DNTT: variants seen among roughly 807,000 people sequenced by gnomAD.
DNTT encodes DNA nucleotidylexotransferase, also known as nucleosidetriphosphate:DNA deoxynucleotidylexotransferase.
DNTT carries 47 observed loss-of-function variants against 60.9 expected under a neutral mutation model. That is an observed-to-expected ratio of 0.77 (90% confidence interval 0.61 to 0.98). The LOEUF (loss-of-function observed/expected upper bound fraction) is 0.98. Ranked by LOEUF, DNTT falls within the 50% of genes least tolerant of loss-of-function variation. The probability of loss-of-function intolerance (pLI) is 0.00; values close to 1 mark genes in which losing one functional copy is unlikely to be tolerated. For missense variants in DNTT, 665 were observed against 627.5 expected (o/e 1.06, Z -0.64); for synonymous variants, 224 against 221.2 (o/e 1.01, Z -0.11).
intron 4 of DNTT, 141 bp from the exon 5 acceptor site, chr10:96,322,516 C>T: frequency 2.0e-6 from 1 of 506,012 alleles, no homozygotes; most frequent in Middle Eastern, 3.8e-4. Context: ...TTGTTTTCTC[C>T]AGATCAATTA....
At position 96,318,443 on chromosome 10, in the gene DNTT, C is replaced by G. The variant is rs1420455956; in HGVS notation, c.295C>G (p.Pro99Ala). The G allele has an allele frequency of 1.2e-6, 2 of 1,613,800 alleles. No homozygotes were observed. Among genetic ancestry groups the G allele is most frequent in the Non-Finnish European group, 1.7e-6 (2 of 1,179,860 alleles). The stretch of plus-strand genomic sequence containing the variant: ...ACAGAAAGTACAAGTCAGCTCACAA[C>G]CAGAGCTCCTCGATGTCTCCTGGCT... ...QAQKVQVSSQPELLDVSWLIE... is the reference protein window; with the variant it reads ...QAQKVQVSSQAELLDVSWLIE... The change falls in exon 2 of 11, where the codon CCA becomes GCA. Residue 99 changes from proline (P) to alanine (A), a missense_variant. Pro to Ala is a conservative substitution (Grantham distance 27, BLOSUM62 -1). Coordinates refer to ENST00000371174, the MANE Select transcript of DNTT (RefSeq NM_004088.4).
chr10:96,307,705 G>GTGTATATATATATATATA (rs1354977619), intron 1 of DNTT, among the ~76,000 whole-genome samples: 17 of 52,882 alleles, frequency 3.2e-4, no homozygotes, highest in Non-Finnish European at 5.6e-4. Context: ...GTGTGTGTGT[G>GTGTATATATATATATATA]TATATATATA....
rs549171215 is a variant in DNTT, at chr10:96,318,668, C to T, written c.378+142C>T. The T allele has an allele frequency of 5.4e-6, 5 of 918,430 alleles. No homozygotes were observed. The African/African-American group carries it at 8.4e-5, about 15-fold the overall frequency. The allele number at this position is 918,430 out of a possible 1,614,324, so 56.9% of individuals were successfully genotyped here. ...GGGCAAGTCACTTAGCTTTACTGAG[C>T]TTCAGTCTCTTCCTTTATAATATGA... is the stretch of plus-strand genomic sequence containing the variant. On this transcript the variant is annotated intron_variant, in intron 2 of 10. Coordinates refer to ENST00000371174, the MANE Select transcript of DNTT (RefSeq NM_004088.4).
At chr10:96,331,978 A>T (rs551761350) in intron 8 of DNTT, among the ~76,000 whole-genome samples, 46 of 152,174 alleles carry the variant, frequency 3.0e-4, no homozygotes, top group Admixed American at 6.5e-4. Flanking sequence ...AGGTCTTATT[A>T]TGTCACCCAG....
At chr10:96,318,569 G>A in intron 2 of DNTT, 43 bp downstream of exon 2, 2 of 1,597,660 alleles carry the variant, frequency 1.3e-6, no homozygotes, top group Non-Finnish European at 1.7e-6. Flanking sequence ...TTGCTTGATG[G>A]TTAAGAACAT....
rs56869116 is a variant in DNTT, at chr10:96,321,420, G to C, written c.678+632G>C. 5.5e-3 allele frequency among the ~76,000 whole-genome samples: 839 copies of C among 152,246 alleles called. 4 individuals are homozygous for C. Among genetic ancestry groups the C allele is most frequent in the African/African-American group, 0.019 (787 of 41,520 alleles). ...CCTTGTGCTTGGGAGGGGAGCATGT[G>C]CAGTGTGTCTACTGGAGTTGTATGC... is the stretch of plus-strand genomic sequence containing the variant. On this transcript the variant is annotated intron_variant, in intron 4 of 10. Coordinates refer to ENST00000371174, the MANE Select transcript of DNTT (RefSeq NM_004088.4).
At chr10:96,305,002 G>C (rs1366168853) in intron 1 of DNTT, among the ~76,000 whole-genome samples, 1 of 152,192 alleles carries the variant, frequency 6.6e-6, no homozygotes, top group East Asian at 1.9e-4. Context: ...AAAATTTAAT[G>C]CTGAACCACT....
rs778788361 is a variant in DNTT at position 96,332,460 on chromosome 10, A to G, written c.1223A>G (p.Lys408Arg). 2 of 1,614,180 alleles carry G rather than the reference A, an allele frequency of 1.2e-6. No homozygotes were observed. Residue 408 changes from lysine to arginine, a missense_variant, in exon 9 of 11, where the codon AAA becomes AGA. Coordinates refer to ENST00000371174, the MANE Select transcript of DNTT (RefSeq NM_004088.4). ...TTTCAAAAGTGCTTTCTGATTTTCAAATTGCCTCGTCAAAGAGTGGACAGT... is the reference window on the plus strand; with the variant it reads ...TTTCAAAAGTGCTTTCTGATTTTCAGATTGCCTCGTCAAAGAGTGGACAGT... ...DHFQKCFLIFKLPRQRVDSDQ... is the reference protein window; with the variant it reads ...DHFQKCFLIFRLPRQRVDSDQ...
At chr10:96,324,214 T>C in intron 5 of DNTT, 52 bp from the exon 6 acceptor site, 1 of 1,575,710 alleles carries the variant, frequency 6.3e-7, no homozygotes, top group South Asian at 1.2e-5. Context: ...ATGACTCGGA[T>C]GTTATAATGA....
Position 96,338,290 on chromosome 10 carries a change from A to C in DNTT, c.*66A>C. The C allele has an allele frequency of 1.1e-5, 16 of 1,459,104 alleles. No individual in the cohort carries two copies. Among genetic ancestry groups the C allele is most frequent in the Non-Finnish European group, 1.3e-5 (14 of 1,058,544 alleles). 90.4% of individuals were successfully genotyped at this position (1,459,104 alleles called of 1,614,324 possible). On this transcript the variant is annotated 3_prime_UTR_variant, in exon 11 of 11. Coordinates refer to ENST00000371174, the MANE Select transcript of DNTT (RefSeq NM_004088.4). ...AAATAAATTATGCTTCATATTAGTA[A>C]AAGATGCCATAGGAGAGTTTGGGGT...
intron 5 of DNTT, 56 bp from the exon 6 acceptor site, chr10:96,324,210 C>A: frequency 6.4e-7 from 1 of 1,570,936 alleles, no homozygotes; most frequent in South Asian, 1.2e-5. Flanking sequence ...GGTCATGACT[C>A]GGATGTTATA....
Position 96,327,704 on chromosome 10 carries a change from G to A in DNTT, c.1007+104G>A. The A allele has an allele frequency of 2.7e-6, 4 of 1,499,300 alleles. No homozygotes were observed. In the South Asian group the frequency reaches 5.4e-5, roughly 20 times the overall value. 92.9% of individuals were successfully genotyped at this position (1,499,300 alleles called of 1,614,324 possible). On this transcript the variant is annotated intron_variant, in intron 7 of 10. Coordinates refer to ENST00000371174, the MANE Select transcript of DNTT (RefSeq NM_004088.4). ...CACAAAAGGCTGTGATCTGGTGCCA[G>A]CTTCTTTCTACAGCTTTATCTCCTG... is the stretch of plus-strand genomic sequence containing the variant.
At chr10:96,314,401 C>CTT (rs1564870098) in intron 1 of DNTT, among the ~76,000 whole-genome samples, 17 of 39,846 alleles carry the variant, frequency 4.3e-4, no homozygotes, top group Admixed American at 2.1e-3. Flanking sequence ...CTATCTCTTC[C>CTT]CTTTTTTTTT....
Position 96,330,560 on chromosome 10 carries a change from G to C in DNTT, c.1113+1730G>C, listed in dbSNP as rs139857283. On this transcript the variant is annotated intron_variant, in intron 8 of 10. Transcript: ENST00000371174. Reference sequence around the variant, plus strand: ...CCTCCAGAGGTTCTTCCTAACATTAGTGCTTCCCCCTTCAAATGGTGTTTT... The same window carrying C: ...CCTCCAGAGGTTCTTCCTAACATTACTGCTTCCCCCTTCAAATGGTGTTTT... Among the ~76,000 whole-genome samples the C allele has an allele frequency of 5.5e-3, 844 of 152,280 alleles. 6 individuals carry two copies. Among genetic ancestry groups the C allele is most frequent in the African/African-American group, 0.019 (770 of 41,548 alleles).
intron 4 of DNTT, 142 bp downstream of exon 4, chr10:96,320,930 TCTC>T (rs1844862465): frequency 2.5e-6 from 2 of 793,610 alleles, no homozygotes; most frequent in Admixed American, 7.8e-5. Flanking sequence ...TTCCTCTCTC[TCTC>T]CTCTGTCTCT....
chr10:96,309,491 C>T (rs1315799825), intron 1 of DNTT, among the ~76,000 whole-genome samples: 1 of 151,958 alleles, frequency 6.6e-6, no homozygotes, highest in Non-Finnish European at 1.5e-5. Context: ...TTAGCATTTG[C>T]CTGCTCATTT....
At chr10:96,318,315 G>T (rs1380918760) in intron 1 of DNTT, 37 bp from the exon 2 acceptor site, 1 of 1,578,138 alleles carries the variant, frequency 6.3e-7, no homozygotes, top group South Asian at 1.2e-5. Context: ...GATTTTGAAA[G>T]ATGTTTCAGC....
intron 6 of DNTT, among the ~76,000 whole-genome samples, chr10:96,324,704 T>C (rs1407380844): frequency 6.6e-6 from 1 of 152,214 alleles, no homozygotes; most frequent in Admixed American, 6.5e-5. Context: ...CCCTCCACTG[T>C]GGCTGTTTGT....
At chr10:96,307,730 TATAA>T (rs746683442) in intron 1 of DNTT, among the ~76,000 whole-genome samples, 7,137 of 136,504 alleles carry the variant, frequency 0.052, 353 homozygotes, top group Middle Eastern at 0.11. Context: ...TATATATATA[TATAA>T]GCATATATAT....
Sources: allele counts gnomAD v4.1 joint callset (sites outside exome capture counted in the v4.1 genomes callset), GRCh38; gene constraint gnomAD v4.1.1; transcripts MANE v1.5; gene names NCBI Gene and HGNC (gene_info 2026-07-23, HGNC 2026-07-21).